The following SLC6A5 variants were observed in gnomAD, a reference collection of about 807,000 sequenced individuals.
SLC6A5 encodes the protein solute carrier family 6 member 5.
SLC6A5 carries 58 observed loss-of-function variants against 90.5 expected under a neutral mutation model. The observed-to-expected ratio is 0.64, with a 90% CI of 0.52 to 0.80. SLC6A5 has a LOEUF of 0.80. SLC6A5 is among the 30% of genes least tolerant of loss of function. The probability of loss-of-function intolerance (pLI) is 0.00; values close to 1 mark genes in which losing one functional copy is unlikely to be tolerated. For missense variants in SLC6A5, 1,015 were observed against 1,017.6 expected (o/e 1.00, Z 0.03); for synonymous variants, 427 against 401.4 (o/e 1.06, Z -0.76).
At chr11:20,653,897 A>T (rs1433097330) in intron 15 of SLC6A5, among the ~76,000 whole-genome samples, 1 of 152,192 alleles carries the variant, frequency 6.6e-6, no homozygotes, top group Non-Finnish European at 1.5e-5. Context: ...ATTATGGTGG[A>T]TTTGGGACAC....
Position 20,656,471 on chromosome 11 carries a change from T to G in SLC6A5, c.*1603T>G, listed in dbSNP as rs1818169164. ...TATTGTTGTGACATTTTCATCCTGT[T>G]TAACAGCAATGAAACCCAACAACAG... On this transcript the variant is annotated 3_prime_UTR_variant, in exon 16 of 16. Transcript: ENST00000525748. 6.6e-6 allele frequency: 1 copy of G among 152,178 alleles called. No individual in the cohort carries two copies. Among genetic ancestry groups the G allele is most frequent in the Non-Finnish European group, 1.5e-5 (1 of 68,030 alleles). 9.4% of individuals were successfully genotyped at this position (152,178 alleles called of 1,614,324 possible).
At chr11:20,653,235 C>T (rs535778889) in intron 15 of SLC6A5, among the ~76,000 whole-genome samples, 18 of 152,268 alleles carry the variant, frequency 1.2e-4, no homozygotes, top group African/African-American at 4.3e-4. Flanking sequence ...ATCAGGGCTA[C>T]TTAGGGTTTG....
intron 13 of SLC6A5, among the ~76,000 whole-genome samples, chr11:20,642,067 T>C (rs1317497891): frequency 2.6e-5 from 4 of 151,986 alleles, no homozygotes; most frequent in Admixed American, 6.6e-5. Flanking sequence ...TCCAAAAGTA[T>C]ACACAAGACT....
At position 20,601,467 on chromosome 11, in the gene SLC6A5, C is replaced by G. The variant is rs61736605; in HGVS notation, c.342C>G (p.Pro114=). The G allele has an allele frequency of 9.9e-3, 15,899 of 1,611,348 alleles. 100 individuals carry two copies. The highest frequency in any genetic ancestry group is 0.012 in the Non-Finnish European group (14,262 of 1,178,842). Residue 114 remains proline, a synonymous_variant, in exon 2 of 16, where the codon CCC becomes CCG. Coordinates refer to ENST00000525748, the MANE Select transcript of SLC6A5 (RefSeq NM_004211.5). ...QASPPPGSSG[P]GNALHCKIPF... ...CGCCCCCTCCCGGGAGCTCCGGGCC[C>G]GGCAACGCGCTGCACTGTAAGATCC...
intron 3 of SLC6A5, among the ~76,000 whole-genome samples, chr11:20,605,534 T>G (rs1265718931): frequency 6.6e-6 from 1 of 152,180 alleles, no homozygotes; most frequent in Non-Finnish European, 1.5e-5. Flanking sequence ...GGCACCCAGA[T>G]AGGTTCCCGT....
At chr11:20,636,961 C>T (rs935166724) in intron 11 of SLC6A5, among the ~76,000 whole-genome samples, 5 of 152,128 alleles carry the variant, frequency 3.3e-5, no homozygotes, top group Admixed American at 3.3e-4. Context: ...GTTGGAAGTG[C>T]AATTTTTAAA....
At chr11:20,601,716 G>T in intron 2 of SLC6A5, 51 bp downstream of exon 2, 1 of 1,547,536 alleles carries the variant, frequency 6.5e-7, no homozygotes, top group South Asian at 1.2e-5. Context: ...CCAGCTGCGC[G>T]AGAGAGGCCA....
intron 5 of SLC6A5, among the ~76,000 whole-genome samples, chr11:20,608,100 G>A (rs1041962565): frequency 6.6e-6 from 1 of 152,176 alleles, no homozygotes; most frequent in African/African-American, 2.4e-5. Flanking sequence ...TATCTGCATG[G>A]TACAATTTGA....
chr11:20,603,333 C>A (rs116962834), intron 2 of SLC6A5, among the ~76,000 whole-genome samples: 2,222 of 152,250 alleles, frequency 0.015, 25 homozygotes, highest in Non-Finnish European at 0.026. Context: ...ATTTTTCCTG[C>A]TTACTAGTGA....
chr11:20,601,591 CAGAG>C lies in SLC6A5; in HGVS notation c.467_470del (p.Gln156ProfsTer78). 2 of 1,614,134 alleles carry C rather than the reference CAGAG, an allele frequency of 1.2e-6. No homozygotes were observed. Among genetic ancestry groups the C allele is most frequent in the Non-Finnish European group, 1.7e-6 (2 of 1,179,990 alleles). ...TGTTGTGGGCTGGGTGAACATGAGC[CAGAG>C]CACCGTGGTGCTGGCCACGGATGGA... On this transcript the variant is annotated frameshift_variant, in exon 2 of 16. Coordinates refer to ENST00000525748, the MANE Select transcript of SLC6A5 (RefSeq NM_004211.5). LOFTEE classifies it high-confidence loss of function.
chr11:20,606,421 C>G (rs1202204651), intron 3 of SLC6A5, among the ~76,000 whole-genome samples: 2 of 152,178 alleles, frequency 1.3e-5, no homozygotes, highest in Non-Finnish European at 2.9e-5. Context: ...GAAGGAACTT[C>G]TCATATGGGG....
intron 7 of SLC6A5, among the ~76,000 whole-genome samples, chr11:20,620,842 C>G (rs978816462): frequency 1.2e-4 from 19 of 152,020 alleles, no homozygotes; most frequent in African/African-American, 4.6e-4. Context: ...CTTTGTCACC[C>G]AGGCTGGAGT....
At chr11:20,647,247 A>ATG (rs533178772) in intron 14 of SLC6A5, among the ~76,000 whole-genome samples, 1 of 135,564 alleles carries the variant, frequency 7.4e-6, no homozygotes, top group Non-Finnish European at 1.6e-5. Flanking sequence ...ATTTATATAT[A>ATG]TATCAGTTCC....
At chr11:20,635,086 G>A (rs1853179884) in intron 10 of SLC6A5, among the ~76,000 whole-genome samples, 1 of 152,108 alleles carries the variant, frequency 6.6e-6, no homozygotes, top group African/African-American at 2.4e-5. Flanking sequence ...AAGTGTTCTA[G>A]AGAAAACCTG....
rs575619155 is a variant in SLC6A5 at position 20,609,613 on chromosome 11, G to A, written c.985+1961G>A. 2.6e-5 allele frequency among the ~76,000 whole-genome samples: 4 copies of A among 152,318 alleles called. No homozygotes were observed. In the South Asian group the frequency reaches 6.2e-4, roughly 24 times the overall value. On this transcript the variant is annotated intron_variant, in intron 5 of 15. Coordinates refer to ENST00000525748, the MANE Select transcript of SLC6A5 (RefSeq NM_004211.5). Reference sequence around the variant, plus strand: ...CTTTCCCCAGCATTTCCCACCAATTGCCTTCCAGTCTCACCTTCTCTCTCA... The same window carrying A: ...CTTTCCCCAGCATTTCCCACCAATTACCTTCCAGTCTCACCTTCTCTCTCA...
At chr11:20,611,126 G>A (rs1208243206) in intron 5 of SLC6A5, among the ~76,000 whole-genome samples, 1 of 152,124 alleles carries the variant, frequency 6.6e-6, no homozygotes, top group African/African-American at 2.4e-5. Context: ...AGCAGATCCC[G>A]AATTCCAGCA....
rs1565269729 is a variant in SLC6A5, at chr11:20,601,443, G to T, written c.318G>T (p.Ser106=). 4 of 1,607,558 alleles carry T rather than the reference G, an allele frequency of 2.5e-6. No individual in the cohort carries two copies. The South Asian group carries it at 4.4e-5, about 18-fold the overall frequency. Residue 106 remains serine, a synonymous_variant, in exon 2 of 16, where the codon TCG becomes TCT. Transcript: ENST00000525748. ...GAGAGGCGCAAGGCGCGCAGGCCTC[G>T]CCCCCTCCCGGGAGCTCCGGGCCCG... ...DLREAQGAQA[S]PPPGSSGPGN... is the part of the protein sequence containing the mutation.
chr11:20,602,438 C>A (rs4923345), intron 2 of SLC6A5, among the ~76,000 whole-genome samples: 26,537 of 152,148 alleles, frequency 0.17, 2,466 homozygotes, highest in East Asian at 0.36. Flanking sequence ...GTGGCCCACT[C>A]TCTCATATAG....
rs1178854298 is a variant in SLC6A5, at chr11:20,657,080, T to C, written c.*2212T>C. Reference sequence around the variant, plus strand: ...AGCATTCTCTCATGGGACTGGTATGTTTGTGTCAGGATGAATGGTTTTTGG... The same window carrying C: ...AGCATTCTCTCATGGGACTGGTATGCTTGTGTCAGGATGAATGGTTTTTGG... On this transcript the variant is annotated 3_prime_UTR_variant, in exon 16 of 16. Transcript: ENST00000525748. 6.6e-6 allele frequency: 1 copy of C among 152,128 alleles called. No individual in the cohort carries two copies. The highest frequency in any genetic ancestry group is 1.5e-5 in the Non-Finnish European group (1 of 68,034). The allele number at this position is 152,128 out of a possible 1,614,324, so 9.4% of individuals were successfully genotyped here. A position where few individuals can be genotyped will look rare whatever the true frequency, so the allele number is the denominator to read the frequency against.
Sources: gnomAD v4.1 joint callset for allele counts (sites outside exome capture counted in the v4.1 genomes callset) on GRCh38, gnomAD v4.1.1 for gene constraint, MANE v1.5 for transcripts, NCBI Gene and HGNC (gene_info 2026-07-23, HGNC 2026-07-21) for gene names.